LRP10: variants seen among roughly 807,000 people sequenced by gnomAD.
The protein encoded by LRP10 is low-density lipoprotein receptor-related protein 10.
In LRP10, 42 loss-of-function variants were observed where a neutral mutation model predicts 58.5. That is an observed-to-expected ratio of 0.72 (90% CI 0.56 to 0.93). The LOEUF (loss-of-function observed/expected upper bound fraction) is 0.93. Ranked by LOEUF, LRP10 falls within the 40% of genes least tolerant of loss-of-function variation. LRP10 has a pLI of 0.00. For missense variants in LRP10, 872 were observed against 940.1 expected (o/e 0.93, Z 0.95); for synonymous variants, 377 against 388.5 (o/e 0.97, Z 0.35).
intron 3 of LRP10, among the ~76,000 whole-genome samples, chr14:22,874,725 T>C (rs1397371296): frequency 6.6e-6 from 1 of 151,982 alleles, no homozygotes. Context: ...CCATCTCTAT[T>C]AAAAATACAA....
rs2039956856 is a variant in LRP10 at position 22,871,843 on chromosome 14, GC to G, written c.-460del. The G allele has an allele frequency of 5.5e-6, 1 of 180,938 alleles. No homozygotes were observed. Among genetic ancestry groups the G allele is most frequent in the African/African-American group, 2.4e-5 (1 of 41,764 alleles). The allele number at this position is 180,938 out of a possible 1,614,324, so 11.2% of individuals were successfully genotyped here. A position where few individuals can be genotyped will look rare whatever the true frequency, so the allele number is the denominator to read the frequency against. On this transcript the variant is annotated 5_prime_UTR_variant, in exon 1 of 7. Transcript: ENST00000359591. ...TCTTCCCCTCCCCCGCTTCCCTGTC[GC>G]GCTCCGCTGGCTGGACGCGCTGGAG...
In LRP10 at chr14:22,879,754, T is replaced by C. The variant is rs1333475633; in HGVS notation, c.*2227T>C. 1 of 153,090 alleles carries C rather than the reference T, an allele frequency of 6.5e-6. No individual in the cohort carries two copies. Among genetic ancestry groups the C allele is most frequent in the African/African-American group, 2.4e-5 (1 of 41,430 alleles). 9.5% of individuals were successfully genotyped at this position (153,090 alleles called of 1,614,324 possible). A position where few individuals can be genotyped will look rare whatever the true frequency, so the allele number is the denominator to read the frequency against. ...TGTGTGCTGTACGAGGTGTAGGTAGTAATAATACTCTTGTCAGCCACAGTG... is the reference window on the plus strand; with the variant it reads ...TGTGTGCTGTACGAGGTGTAGGTAGCAATAATACTCTTGTCAGCCACAGTG... On this transcript the variant is annotated 3_prime_UTR_variant, in exon 7 of 7. Transcript: ENST00000359591.
In LRP10 at chr14:22,872,279, T is replaced by C; in HGVS notation, c.-25T>C. The stretch of plus-strand genomic sequence containing the variant: ...GTAGACCACAGAAGCTCCGGGACCC[T>C]TCCGGCACCTCTGGACAGCCCAGGA... On this transcript the variant is annotated 5_prime_UTR_variant, in exon 1 of 7. Transcript: ENST00000359591. 10 of 1,613,808 alleles carry C rather than the reference T, an allele frequency of 6.2e-6. No homozygotes were observed. Among genetic ancestry groups the C allele is most frequent in the Non-Finnish European group, 8.5e-6 (10 of 1,179,790 alleles).
intron 5 of LRP10, 143 bp downstream of exon 5, chr14:22,876,515 T>C (rs2040008126): frequency 7.6e-7 from 1 of 1,319,518 alleles, no homozygotes; most frequent in Non-Finnish European, 1.0e-6. Flanking sequence ...AAGGGACAGG[T>C]CCAGATCCTG....
rs748383333 is a variant in LRP10 at position 22,877,203 on chromosome 14, T to G, written c.1818T>G (p.Gly606=). Residue 606 remains glycine (G), a synonymous_variant, in exon 7 of 7, where the codon GGT becomes GGG. Transcript: ENST00000359591. The surrounding 1 kb of genome is among the most constrained non-coding windows in gnomAD (Gnocchi z 5.1). ...TGPAREGGAV[G]GQDGEQAPPL... Reference sequence around the variant, plus strand: ...CAGCCCGTGAGGGCGGGGCAGTGGGTGGGCAAGATGGGGAGCAGGCACCCC... The same window carrying G: ...CAGCCCGTGAGGGCGGGGCAGTGGGGGGGCAAGATGGGGAGCAGGCACCCC... 1 of 1,599,946 alleles carries G rather than the reference T, an allele frequency of 6.3e-7. No individual in the cohort carries two copies. Among genetic ancestry groups the G allele is most frequent in the South Asian group, 1.1e-5 (1 of 88,808 alleles).
Position 22,879,281 on chromosome 14 carries a change from A to C in LRP10, c.*1754A>C, listed in dbSNP as rs1023684503. ...ACCCTGGCACCTTGGCTCAGGGAAG[A>C]CCCGAGCTCCTTTCACTGCAGACCC... On this transcript the variant is annotated 3_prime_UTR_variant, in exon 7 of 7. Transcript: ENST00000359591. 34 of 451,796 alleles carry C rather than the reference A, an allele frequency of 7.5e-5. No individual in the cohort carries two copies. Among genetic ancestry groups the C allele is most frequent in the Non-Finnish European group, 1.3e-4 (30 of 223,418 alleles). The allele number at this position is 451,796 out of a possible 1,614,324, so 28.0% of individuals were successfully genotyped here.
chr14:22,874,745 G>A (rs2039985159), intron 3 of LRP10, among the ~76,000 whole-genome samples: 1 of 152,152 alleles, frequency 6.6e-6, no homozygotes, highest in Admixed American at 6.5e-5. Context: ...AAATTAGCCA[G>A]GTGTGGTGGC....
Position 22,879,561 on chromosome 14 carries a change from C to G in LRP10, c.*2034C>G. On this transcript the variant is annotated 3_prime_UTR_variant, in exon 7 of 7. Coordinates refer to ENST00000359591, the MANE Select transcript of LRP10 (RefSeq NM_014045.5). ...CTTCATCCCTTCATCCAGACCTTTT[C>G]TCTCCTAGTGGTATTGCAAACTGAA... The G allele has an allele frequency of 5.3e-6, 1 of 188,290 alleles. No individual in the cohort carries two copies. Among genetic ancestry groups the G allele is most frequent in the South Asian group, 1.1e-4 (1 of 9,378 alleles). 11.7% of individuals were successfully genotyped at this position (188,290 alleles called of 1,614,324 possible).
At chr14:22,873,523 CTTCT>C (rs2039976627) in intron 3 of LRP10, 77 bp downstream of exon 3, 4 of 1,401,990 alleles carry the variant, frequency 2.9e-6, no homozygotes, top group Admixed American at 2.4e-5. Context: ...TCAGGGATCA[CTTCT>C]TTTTTTTTTT....
rs2040030252 is a variant in LRP10, at chr14:22,878,453, G to A, written c.*926G>A. The A allele has an allele frequency of 6.6e-6, 1 of 152,162 alleles. No homozygotes were observed. The highest frequency in any genetic ancestry group is 1.5e-5 in the Non-Finnish European group (1 of 68,058). 9.4% of individuals were successfully genotyped at this position (152,162 alleles called of 1,614,324 possible). A position where few individuals can be genotyped will look rare whatever the true frequency, so the allele number is the denominator to read the frequency against. ...CCAGATCATAGGAGCAGCTGTCCCT[G>A]GTGGGACACAGGAGTCATGACTCCT... On this transcript the variant is annotated 3_prime_UTR_variant, in exon 7 of 7. Coordinates refer to ENST00000359591, the MANE Select transcript of LRP10 (RefSeq NM_014045.5).
rs1435404205 is a variant in LRP10 at position 22,877,098 on chromosome 14, C to T, written c.1713C>T (p.Thr571=). The T allele has an allele frequency of 1.2e-6, 2 of 1,613,608 alleles. No individual in the cohort carries two copies. Among genetic ancestry groups the T allele is most frequent in the African/African-American group, 1.3e-5 (1 of 74,932 alleles). The change falls in exon 7 of 7, where the codon ACC becomes ACT. Residue 571 remains threonine, a synonymous_variant. Coordinates refer to ENST00000359591, the MANE Select transcript of LRP10 (RefSeq NM_014045.5). The surrounding 1 kb of genome is among the most constrained non-coding windows in gnomAD (Gnocchi z 5.1). ...GGGGCTTGCTCCCTCGAACCAACACCCCGGCTCGGGCCTCTGAGGCCAGAT... is the reference window on the plus strand; with the variant it reads ...GGGGCTTGCTCCCTCGAACCAACACTCCGGCTCGGGCCTCTGAGGCCAGAT... ...RRWGLLPRTN[T]PARASEARSQ...
Position 22,872,138 on chromosome 14 carries a change from CT to C in LRP10, c.-165del. On this transcript the variant is annotated 5_prime_UTR_variant, in exon 1 of 7. Transcript: ENST00000359591. ...GCCCCTACTCCCGGGCTGCCGCCGC[CT>C]CCCCGCCCCCAGCCCTGGCATCCAG... is the stretch of plus-strand genomic sequence containing the variant. 1 of 682,340 alleles carries C rather than the reference CT, an allele frequency of 1.5e-6. No individual in the cohort carries two copies. Among genetic ancestry groups the C allele is most frequent in the Non-Finnish European group, 2.6e-6 (1 of 389,726 alleles). 42.3% of individuals were successfully genotyped at this position (682,340 alleles called of 1,614,324 possible). A position where few individuals can be genotyped will look rare whatever the true frequency, so the allele number is the denominator to read the frequency against.
Position 22,872,143 on chromosome 14 carries a change from C to G in LRP10, c.-161C>G, listed in dbSNP as rs939507688. On this transcript the variant is annotated 5_prime_UTR_variant, in exon 1 of 7. Coordinates refer to ENST00000359591, the MANE Select transcript of LRP10 (RefSeq NM_014045.5). The stretch of plus-strand genomic sequence containing the variant: ...TACTCCCGGGCTGCCGCCGCCTCCC[C>G]GCCCCCAGCCCTGGCATCCAGAGTA... 3.1e-5 allele frequency: 22 copies of G among 700,550 alleles called. No individual in the cohort carries two copies. Among genetic ancestry groups the G allele is most frequent in the Non-Finnish European group, 5.0e-5 (20 of 403,382 alleles). The allele number at this position is 700,550 out of a possible 1,614,324, so 43.4% of individuals were successfully genotyped here. A position where few individuals can be genotyped will look rare whatever the true frequency, so the allele number is the denominator to read the frequency against.
chr14:22,872,226 G>T lies in LRP10; in HGVS notation c.-78G>T. Reference sequence around the variant, plus strand: ...GGAGGCGGCACCAGGGAGCCTGGGCGCCCGGGGCTCCGCCGCGACCCCATC... The same window carrying T: ...GGAGGCGGCACCAGGGAGCCTGGGCTCCCGGGGCTCCGCCGCGACCCCATC... On this transcript the variant is annotated 5_prime_UTR_variant, in exon 1 of 7. Coordinates refer to ENST00000359591, the MANE Select transcript of LRP10 (RefSeq NM_014045.5). 2 of 1,505,272 alleles carry T rather than the reference G, an allele frequency of 1.3e-6. No individual in the cohort carries two copies. The highest frequency in any genetic ancestry group is 1.8e-6 in the Non-Finnish European group (2 of 1,081,176). 93.2% of individuals were successfully genotyped at this position (1,505,272 alleles called of 1,614,324 possible).
rs898474928 is a variant in LRP10, at chr14:22,876,375, C to T, written c.1424+3C>T. On this transcript the variant is annotated splice_donor_region_variant and intron_variant, in intron 5 of 6. Coordinates refer to ENST00000359591, the MANE Select transcript of LRP10 (RefSeq NM_014045.5). ...GCCATTCGCACCCAGGAGTACAGGTCAGTGGGAGTGGGGCTGGCAGTAGAA... is the reference window on the plus strand; with the variant it reads ...GCCATTCGCACCCAGGAGTACAGGTTAGTGGGAGTGGGGCTGGCAGTAGAA... 1 of 1,611,996 alleles carries T rather than the reference C, an allele frequency of 6.2e-7. No homozygotes were observed. Among genetic ancestry groups the T allele is most frequent in the Non-Finnish European group, 8.5e-7 (1 of 1,178,706 alleles).
Position 22,876,812 on chromosome 14 carries a change from T to G in LRP10, c.1548T>G (p.Pro516=), listed in dbSNP as rs745461840. 3 of 1,613,604 alleles carry G rather than the reference T, an allele frequency of 1.9e-6. No homozygotes were observed. The highest frequency in any genetic ancestry group is 2.5e-6 in the Non-Finnish European group (3 of 1,179,724). Residue 516 remains proline, a synonymous_variant, in exon 6 of 7, where the codon CCT becomes CCG. Transcript: ENST00000359591. ...PPVEDFPTEN[P]NDNSVLGNLR... ...TAGAAGACTTTCCTACAGAGAATCC[T>G]AATGATGTAAGTCACTCCCCACAAC... is the stretch of plus-strand genomic sequence containing the variant.
intron 3 of LRP10, among the ~76,000 whole-genome samples, chr14:22,874,541 C>T (rs574916783): frequency 6.6e-6 from 1 of 152,284 alleles, no homozygotes; most frequent in South Asian, 2.1e-4. Context: ...ATGGCGATAC[C>T]ATGAGGTATT....
rs2040033705 is a variant in LRP10, at chr14:22,878,823, G to A, written c.*1296G>A. On this transcript the variant is annotated 3_prime_UTR_variant, in exon 7 of 7. Coordinates refer to ENST00000359591, the MANE Select transcript of LRP10 (RefSeq NM_014045.5). The stretch of plus-strand genomic sequence containing the variant: ...AGCAGCGGCCAGAGCTGCAGCGCTG[G>A]GGTGGGTGATGGAGGGAATGATTCG... The A allele has an allele frequency of 4.6e-6, 1 of 219,562 alleles. No homozygotes were observed. The highest frequency in any genetic ancestry group is 9.8e-6 in the Non-Finnish European group (1 of 102,564). The allele number at this position is 219,562 out of a possible 1,614,324, so 13.6% of individuals were successfully genotyped here.
rs752908805 is a variant in LRP10 at position 22,875,623 on chromosome 14, C to T, written c.675C>T (p.Asp225=). The change falls in exon 5 of 7, where the codon GAC becomes GAT. Residue 225 remains aspartate (D), a synonymous_variant. Transcript: ENST00000359591. ...SHPQSCHWLL[D]PHDGRRLAVR... ...CCCAGTCCTGCCATTGGCTGCTGGA[C>T]CCCCATGATGGCCGGCGGCTGGCCG... 3.7e-6 allele frequency: 6 copies of T among 1,614,170 alleles called. No homozygotes were observed. Among genetic ancestry groups the T allele is most frequent in the East Asian group, 2.2e-5 (1 of 44,886 alleles).
Sources: allele counts gnomAD v4.1 joint callset (sites outside exome capture counted in the v4.1 genomes callset), GRCh38; gene constraint gnomAD v4.1.1; non-coding constraint Gnocchi (gnomAD v3.1); transcripts MANE v1.5; gene names NCBI Gene and HGNC (gene_info 2026-07-23, HGNC 2026-07-21).